Variants in PKP4 observed in about 807,000 individuals in gnomAD.
PKP4 encodes the protein plakophilin 4, also known as plakophilin-4.
PKP4 carries 90 observed loss-of-function variants against 145.1 expected under a neutral mutation model. The observed-to-expected ratio is 0.62, with a 90% CI of 0.52 to 0.74. PKP4 has a LOEUF of 0.74. Ranked by LOEUF, PKP4 falls within the 30% of genes least tolerant of loss-of-function variation. The pLI, the probability that PKP4 is intolerant of heterozygous loss-of-function variation, is 0.00. For synonymous variants in PKP4, 563 were observed against 577.2 expected, an observed-to-expected ratio of 0.98 and a Z score of 0.35; for missense variants, 1,340 against 1,482.7, an observed-to-expected ratio of 0.90 and a Z score of 1.58.
intron 1 of PKP4, among the ~76,000 whole-genome samples, chr2:158,483,335 G>A (rs1358654983): frequency 2.7e-5 from 4 of 148,678 alleles, no homozygotes; most frequent in Non-Finnish European, 4.5e-5. Flanking sequence ...TTTCTTTTCT[G>A]TGTATAAACA....
intron 1 of PKP4, among the ~76,000 whole-genome samples, chr2:158,493,742 G>A: frequency 6.6e-6 from 1 of 152,196 alleles, no homozygotes; most frequent in East Asian, 1.9e-4. Context: ...CTGGGCTTCT[G>A]TTTTGTGAGT....
intron 1 of PKP4, among the ~76,000 whole-genome samples, chr2:158,530,821 T>C (rs1435515989): frequency 6.6e-6 from 1 of 152,182 alleles, no homozygotes; most frequent in African/African-American, 2.4e-5. Flanking sequence ...TGGTGTGTCC[T>C]AACCTTTGAG....
chr2:158,528,636 T>TA (rs70994211), intron 1 of PKP4, among the ~76,000 whole-genome samples: 58,072 of 81,080 alleles, frequency 0.72, 19,221 homozygotes, highest in East Asian at 0.86. Context: ...TAAAGTATAA[T>TA]AAAAAAAAAA....
chr2:158,619,588 T>G (rs943272321), intron 4 of PKP4, among the ~76,000 whole-genome samples: 1 of 152,166 alleles, frequency 6.6e-6, no homozygotes, highest in African/African-American at 2.4e-5. Context: ...CCCTAAGAAG[T>G]TTGCTTTACA....
At chr2:158,655,105 T>C (rs1317342883) in intron 11 of PKP4, among the ~76,000 whole-genome samples, 3 of 152,204 alleles carry the variant, frequency 2.0e-5, no homozygotes, top group Non-Finnish European at 2.9e-5. Flanking sequence ...TTTTAAGGTA[T>C]TATATGTAAA....
At chr2:158,484,204 C>T (rs35580203) in intron 1 of PKP4, among the ~76,000 whole-genome samples, 3 of 151,854 alleles carry the variant, frequency 2.0e-5, no homozygotes, top group Non-Finnish European at 4.4e-5. Flanking sequence ...CCCGCCACCG[C>T]GCCCGGCTAA....
intron 1 of PKP4, among the ~76,000 whole-genome samples, chr2:158,465,336 A>G (rs951444465): frequency 2.0e-5 from 3 of 152,210 alleles, no homozygotes; most frequent in African/African-American, 7.2e-5. Context: ...TTTCTTTGGG[A>G]AAAGTCTGCA....
In PKP4 at chr2:158,642,683, A is replaced by C. The variant is rs756304926; in HGVS notation, c.1893A>C (p.Val631=). ...TGAGAAAATCTATTGATGCAGAAGT[A>C]AGGGAGCTTGTTACAGGTAGGTATA... ...RLLRKSIDAE[V]RELVTGVLWN... is the part of the protein sequence containing the mutation. The change falls in exon 11 of 22, where the codon GTA becomes GTC. Residue 631 remains valine, a synonymous_variant. Coordinates refer to ENST00000389759, the MANE Select transcript of PKP4 (RefSeq NM_003628.6). 1 of 1,604,384 alleles carries C rather than the reference A, an allele frequency of 6.2e-7. No homozygotes were observed. Among genetic ancestry groups the C allele is most frequent in the East Asian group, 2.2e-5 (1 of 44,732 alleles).
rs1457720865 is a variant in PKP4 at position 158,666,400 on chromosome 2, T to C, written c.2578-13T>C. ...CTGTTTTATGTTACTTCCTGCCTTA[T>C]TTTTCTCACTAGTTTGCAGCATATA... On this transcript the variant is annotated splice_polypyrimidine_tract_variant and intron_variant, in intron 15 of 21. Transcript: ENST00000389759. 1.9e-6 allele frequency: 3 copies of C among 1,570,634 alleles called. No individual in the cohort carries two copies. Among genetic ancestry groups the C allele is most frequent in the Admixed American group, 2.0e-5 (1 of 50,256 alleles).
intron 3 of PKP4, among the ~76,000 whole-genome samples, chr2:158,585,914 G>GC (rs2048762603): frequency 7.2e-6 from 1 of 139,062 alleles, no homozygotes; most frequent in Non-Finnish European, 1.6e-5. Context: ...AAACCCTCTA[G>GC]CCTCCCCCTT....
intron 11 of PKP4, among the ~76,000 whole-genome samples, chr2:158,643,722 A>AAAAAAG (rs1558941833): frequency 8.2e-6 from 1 of 122,242 alleles, no homozygotes; most frequent in Non-Finnish European, 1.8e-5. Flanking sequence ...CAAAAAAAAA[A>AAAAAAG]AAAAAAGAAA....
chr2:158,502,110 A>G (rs965695314), intron 1 of PKP4, among the ~76,000 whole-genome samples: 2 of 152,174 alleles, frequency 1.3e-5, no homozygotes, highest in African/African-American at 4.8e-5. Flanking sequence ...GCTTTATTGC[A>G]TTCATGCTGA....
At chr2:158,576,628 C>A (rs1444641400) in intron 2 of PKP4, among the ~76,000 whole-genome samples, 2 of 152,176 alleles carry the variant, frequency 1.3e-5, no homozygotes, top group Non-Finnish European at 2.9e-5. Context: ...AGACTATCTT[C>A]CAGCTTTTGA....
chr2:158,630,456 A>T (rs1243869919), intron 7 of PKP4, among the ~76,000 whole-genome samples: 4 of 152,196 alleles, frequency 2.6e-5, no homozygotes, highest in East Asian at 3.8e-4. Context: ...GATTTTTTTT[A>T]AAAGAAAGGA....
chr2:158,650,235 T>C (rs2055230839), intron 11 of PKP4, among the ~76,000 whole-genome samples: 1 of 152,214 alleles, frequency 6.6e-6, no homozygotes, highest in Non-Finnish European at 1.5e-5. Flanking sequence ...GTGTGTCCCA[T>C]ATGGGCAATT....
intron 4 of PKP4, among the ~76,000 whole-genome samples, chr2:158,611,728 CTAT>C (rs1350229551): frequency 1.3e-5 from 2 of 152,000 alleles, no homozygotes; most frequent in Admixed American, 6.6e-5. Context: ...GTATAAAGGA[CTAT>C]TATTGAGGAT....
intron 1 of PKP4, among the ~76,000 whole-genome samples, chr2:158,498,575 T>C (rs1453491670): frequency 6.6e-6 from 1 of 152,228 alleles, no homozygotes; most frequent in African/African-American, 2.4e-5. Context: ...TTTGTAGTAG[T>C]GATGACTGGG....
chr2:158,601,922 T>C (rs1340694212), intron 3 of PKP4, among the ~76,000 whole-genome samples: 2 of 152,170 alleles, frequency 1.3e-5, no homozygotes, highest in African/African-American at 4.8e-5. Context: ...CCACTCCAAG[T>C]GCTTTATTTG....
chr2:158,496,024 A>C (rs917591684), intron 1 of PKP4, among the ~76,000 whole-genome samples: 1 of 151,928 alleles, frequency 6.6e-6, no homozygotes, highest in Non-Finnish European at 1.5e-5. Flanking sequence ...TCTGTCACCC[A>C]GGCTGGAATG....
Sources: gnomAD v4.1 joint callset for allele counts (sites outside exome capture counted in the v4.1 genomes callset) on GRCh38, gnomAD v4.1.1 for gene constraint, MANE v1.5 for transcripts, NCBI Gene and HGNC (gene_info 2026-07-23, HGNC 2026-07-21) for gene names.